Variants in MRE11 observed in about 807,000 individuals in gnomAD.
The protein encoded by MRE11 is MRE11 double strand break repair nuclease, also known as double-strand break repair protein MRE11.
In MRE11, 62 loss-of-function variants were observed where a neutral mutation model predicts 91.7. That is an observed-to-expected ratio of 0.68 (90% CI 0.55 to 0.84). MRE11 has a LOEUF of 0.84. MRE11 is among the 40% of genes least tolerant of loss of function. The pLI is 0.00. For missense variants in MRE11, 796 were observed against 852.9 expected, an observed-to-expected ratio of 0.93 and a Z score of 0.83; for synonymous variants, 273 against 271.4, an observed-to-expected ratio of 1.01 and a Z score of -0.06.
intron 17 of MRE11, among the ~76,000 whole-genome samples, chr11:94,436,122 C>G (rs1183339343): frequency 6.6e-6 from 1 of 152,156 alleles, no homozygotes; most frequent in East Asian, 1.9e-4. Flanking sequence ...CCTGGCCATC[C>G]CAGGAGCCTG....
chr11:94,507,404 T>C, the MRE11 span, among the ~76,000 whole-genome samples: 1 of 152,190 alleles, frequency 6.6e-6, no homozygotes, highest in African/African-American at 2.4e-5. Context: ...GTTTCCACTT[T>C]GGGGATTTTA....
At chr11:94,473,386 G>A (rs964847339) in intron 7 of MRE11, 8 of 152,064 alleles carry the variant, frequency 5.3e-5, no homozygotes, top group African/African-American at 1.9e-4. Context: ...TGTAATTTGT[G>A]ACCTAGAAGT....
At chr11:94,470,768 A>C (rs540462543) in intron 8 of MRE11, 126 bp from the exon 9 acceptor site, 18 of 988,374 alleles carry the variant, frequency 1.8e-5, no homozygotes, top group Non-Finnish European at 2.6e-5. Context: ...CTTAAAAATA[A>C]ATGTTTCTGC....
intron 14 of MRE11, 107 bp downstream of exon 14, chr11:94,456,169 A>G (rs1946243577): frequency 7.8e-6 from 8 of 1,021,448 alleles, no homozygotes; most frequent in South Asian, 2.7e-5. Flanking sequence ...ACCCCAGCTC[A>G]CTCCTATCCC....
chr11:94,469,110 C>A (rs745934960), intron 9 of MRE11, among the ~76,000 whole-genome samples: 1 of 151,824 alleles, frequency 6.6e-6, no homozygotes. Flanking sequence ...TATGTGCACA[C>A]CTGGTGTTTA....
At chr11:94,484,262 A>G (rs943870670) in intron 4 of MRE11, among the ~76,000 whole-genome samples, 2 of 152,350 alleles carry the variant, frequency 1.3e-5, no homozygotes, top group East Asian at 3.9e-4. Flanking sequence ...AATGTGGGAC[A>G]AGGGACAAAT....
intron 14 of MRE11, among the ~76,000 whole-genome samples, chr11:94,455,413 G>A (rs1242174254): frequency 1.3e-5 from 2 of 151,980 alleles, no homozygotes; most frequent in Admixed American, 6.6e-5. Flanking sequence ...CCATAACAGG[G>A]ACAATATAAA....
the MRE11 span, among the ~76,000 whole-genome samples, chr11:94,502,163 T>C: frequency 1.3e-5 from 2 of 152,204 alleles, no homozygotes; most frequent in Non-Finnish European, 2.9e-5. Context: ...ATAATCATTG[T>C]ATAAAAGGAA....
chr11:94,470,379 A>ATAGT, intron 9 of MRE11, 92 bp downstream of exon 9: 1 of 1,273,020 alleles, frequency 7.9e-7, no homozygotes, highest in East Asian at 2.4e-5. Flanking sequence ...AATCAACATA[A>ATAGT]AGGCTTCCCT....
intron 7 of MRE11, among the ~76,000 whole-genome samples, chr11:94,474,736 A>AG (rs1209261648): frequency 6.6e-6 from 1 of 152,158 alleles, no homozygotes; most frequent in Admixed American, 6.5e-5. Flanking sequence ...TCAAATGATG[A>AG]GGGGGGCAAT....
intron 9 of MRE11, among the ~76,000 whole-genome samples, chr11:94,468,605 A>G (rs1303498628): frequency 6.6e-6 from 1 of 152,216 alleles, no homozygotes; most frequent in Non-Finnish European, 1.5e-5. Flanking sequence ...CTCAAGAACA[A>G]TACAGAACAA....
chr11:94,436,838 G>T (rs930268291), intron 17 of MRE11, among the ~76,000 whole-genome samples: 1 of 152,142 alleles, frequency 6.6e-6, no homozygotes, highest in Non-Finnish European at 1.5e-5. Flanking sequence ...GTAACAAAAG[G>T]AAATCCAGCA....
chr11:94,428,219 G>A (rs1945375264), intron 19 of MRE11, among the ~76,000 whole-genome samples: 1 of 152,236 alleles, frequency 6.6e-6, no homozygotes, highest in African/African-American at 2.4e-5. Context: ...ACAGAACAGA[G>A]AACTCAGAAA....
At chr11:94,503,014 C>G in the MRE11 span, among the ~76,000 whole-genome samples, 1 of 152,110 alleles carries the variant, frequency 6.6e-6, no homozygotes. Context: ...ATGTAAGATT[C>G]CATACTTATG....
intron 18 of MRE11, among the ~76,000 whole-genome samples, chr11:94,433,885 C>T (rs1370344093): frequency 2.0e-5 from 3 of 152,204 alleles, no homozygotes; most frequent in Non-Finnish European, 4.4e-5. Context: ...ATTAAAATTT[C>T]CGCTTAAATG....
intron 5 of MRE11, 52 bp from the exon 6 acceptor site, chr11:94,478,928 T>G (rs750458195): frequency 6.3e-7 from 1 of 1,575,014 alleles, no homozygotes; most frequent in Admixed American, 1.7e-5. Context: ...AGTAGGTATC[T>G]GCATGAATAT....
chr11:94,470,563 T>A lies in MRE11; in HGVS notation c.925A>T (p.Met309Leu), dbSNP rs766451752. 1 of 1,613,196 alleles carries A rather than the reference T, an allele frequency of 6.2e-7. No homozygotes were observed. Among genetic ancestry groups the A allele is most frequent in the African/African-American group, 1.3e-5 (1 of 74,876 alleles). Residue 309 changes from methionine to leucine, a missense_variant, in exon 9 of 20, where the codon ATG (methionine) becomes TTG (leucine). By Grantham distance (15) the Met-to-Leu change is conservative (BLOSUM62 2). Transcript: ENST00000323929. ...TGATTAGCTAGAACAATATCCTCCA[T>A]GAAAAACTGCCGCACTGTGTGAAGA... ...IPLHTVRQFF[M>L]EDIVLANHPD...
At chr11:94,431,155 T>C (rs562740973) in intron 18 of MRE11, among the ~76,000 whole-genome samples, 1 of 152,268 alleles carries the variant, frequency 6.6e-6, no homozygotes, top group South Asian at 2.1e-4. Context: ...AGGTTTTATC[T>C]GGAAAAAAGA....
chr11:94,475,113 T>A (rs1946816886), intron 7 of MRE11: 1 of 153,128 alleles, frequency 6.5e-6, no homozygotes, highest in South Asian at 2.0e-4. Context: ...GTAGTCTGCA[T>A]TCAATAAATG....
Sources: allele counts gnomAD v4.1 joint callset (sites outside exome capture counted in the v4.1 genomes callset), GRCh38; gene constraint gnomAD v4.1.1; transcripts MANE v1.5; gene names NCBI Gene and HGNC (gene_info 2026-07-23, HGNC 2026-07-21).